The following MRTFA variants were observed in gnomAD, a reference collection of about 807,000 sequenced individuals.
MRTFA encodes myocardin related transcription factor A.
MRTFA carries 20 observed loss-of-function variants against 83.5 expected under a neutral mutation model. The ratio of observed to expected loss-of-function variants is 0.24; its 90% CI spans 0.17 to 0.35. MRTFA has a LOEUF of 0.35. MRTFA is among the 10% of genes least tolerant of loss of function. The probability of loss-of-function intolerance (pLI) is 1.00; values close to 1 mark genes in which losing one functional copy is unlikely to be tolerated. For synonymous variants in MRTFA, 659 were observed against 541.2 expected (o/e 1.22, Z -3.02); for missense variants, 1,200 against 1,224.7 (o/e 0.98, Z 0.30).
chr22:40,584,322 C>T (rs535163120), intron 2 of MRTFA, among the ~76,000 whole-genome samples: 1 of 152,356 alleles, frequency 6.6e-6, no homozygotes, highest in South Asian at 2.1e-4. Flanking sequence ...ACCCAGACAT[C>T]ATGACTCCCA....
intron 3 of MRTFA, among the ~76,000 whole-genome samples, chr22:40,493,317 A>T (rs1569295519): frequency 6.6e-6 from 1 of 152,236 alleles, no homozygotes. Context: ...CTTGAAAGCT[A>T]AGCGAGGCAT....
At chr22:40,553,690 G>A (rs897212760) in intron 2 of MRTFA, among the ~76,000 whole-genome samples, 1 of 152,226 alleles carries the variant, frequency 6.6e-6, no homozygotes, top group Non-Finnish European at 1.5e-5. Context: ...TACTAGGGCA[G>A]TATGGAAGGC....
intron 1 of MRTFA, among the ~76,000 whole-genome samples, chr22:40,631,458 T>C (rs1390288193): frequency 6.6e-6 from 1 of 152,152 alleles, no homozygotes. Context: ...TCACAGAGAA[T>C]ATAAAGTAGC....
At chr22:40,423,423 G>T in intron 9 of MRTFA, 113 bp downstream of exon 9, 1 of 1,004,028 alleles carries the variant, frequency 1.0e-6, no homozygotes, top group South Asian at 3.2e-5. Context: ...CAGACCAATG[G>T]GAGAAGACAC....
At chr22:40,576,087 G>T (rs995470692) in intron 2 of MRTFA, among the ~76,000 whole-genome samples, 1 of 147,236 alleles carries the variant, frequency 6.8e-6, no homozygotes, top group Non-Finnish European at 1.5e-5. Context: ...GGAGTACAGT[G>T]GCATGATCTC....
chr22:40,553,569 G>A (rs1211632710), intron 2 of MRTFA, among the ~76,000 whole-genome samples: 1 of 152,196 alleles, frequency 6.6e-6, no homozygotes, highest in Non-Finnish European at 1.5e-5. Context: ...GTGCACAGAA[G>A]TCTGGAATTG....
chr22:40,502,015 C>G (rs1602346718), intron 3 of MRTFA, among the ~76,000 whole-genome samples: 1 of 134,448 alleles, frequency 7.4e-6, no homozygotes, highest in South Asian at 2.5e-4. Flanking sequence ...GACGGGGCAG[C>G]TGGCCAGGCG....
intron 4 of MRTFA, among the ~76,000 whole-genome samples, chr22:40,448,686 A>G (rs1001996170): frequency 6.6e-6 from 1 of 152,216 alleles, no homozygotes; most frequent in Non-Finnish European, 1.5e-5. Context: ...AGGGGCACAA[A>G]TTCTCCTATT....
At chr22:40,440,889 GA>G (rs1345874442) in intron 4 of MRTFA, among the ~76,000 whole-genome samples, 1 of 151,990 alleles carries the variant, frequency 6.6e-6, no homozygotes, top group African/African-American at 2.4e-5. Context: ...GCCAATTGAA[GA>G]AAAAAAGGAC....
chr22:40,575,886 C>A (rs2055860018), intron 2 of MRTFA, among the ~76,000 whole-genome samples: 1 of 152,148 alleles, frequency 6.6e-6, no homozygotes, highest in African/African-American at 2.4e-5. Flanking sequence ...GAGTGACATA[C>A]TACATGAGAA....
At chr22:40,544,596 G>A (rs952260324) in intron 3 of MRTFA, among the ~76,000 whole-genome samples, 3 of 152,180 alleles carry the variant, frequency 2.0e-5, no homozygotes, top group African/African-American at 7.2e-5. Flanking sequence ...AGTGGGAGAA[G>A]ATGTCTGCAA....
chr22:40,500,192 G>A (rs2054435445), intron 3 of MRTFA, among the ~76,000 whole-genome samples: 1 of 149,840 alleles, frequency 6.7e-6, no homozygotes, highest in African/African-American at 2.4e-5. Context: ...GCCTCCCAAA[G>A]TGCTGGGATT....
At chr22:40,545,782 G>A (rs983368088) in intron 3 of MRTFA, among the ~76,000 whole-genome samples, 3 of 148,636 alleles carry the variant, frequency 2.0e-5, no homozygotes, top group African/African-American at 7.5e-5. Flanking sequence ...CACCCAGGCT[G>A]GAGTGTAGTG....
intron 2 of MRTFA, among the ~76,000 whole-genome samples, chr22:40,593,953 T>C (rs1251294413): frequency 6.6e-6 from 1 of 152,244 alleles, no homozygotes; most frequent in Non-Finnish European, 1.5e-5. Flanking sequence ...GAACTAGCAG[T>C]AGCCTTTACC....
At chr22:40,470,292 A>G (rs2053887271) in intron 3 of MRTFA, among the ~76,000 whole-genome samples, 1 of 116,354 alleles carries the variant, frequency 8.6e-6, no homozygotes, top group Admixed American at 9.4e-5. Flanking sequence ...AAGAAACATA[A>G]TAAAGAGCAA....
At chr22:40,542,552 C>A (rs751626474) in intron 3 of MRTFA, among the ~76,000 whole-genome samples, 21 of 152,222 alleles carry the variant, frequency 1.4e-4, no homozygotes, top group Non-Finnish European at 2.2e-4. Context: ...TCTTAATAAT[C>A]ACAGAATAAT....
intron 3 of MRTFA, among the ~76,000 whole-genome samples, chr22:40,534,020 C>G (rs543625804): frequency 6.6e-6 from 1 of 152,202 alleles, no homozygotes; most frequent in South Asian, 2.1e-4. Context: ...GTTCAAAATC[C>G]CACTATAAGA....
intron 3 of MRTFA, among the ~76,000 whole-genome samples, chr22:40,478,922 G>T (rs1367514724): frequency 6.6e-6 from 1 of 152,102 alleles, no homozygotes. Context: ...GAAGGAGCCA[G>T]AAAGAGTTGT....
chr22:40,413,293 T>C (rs1306058773), intron 14 of MRTFA, among the ~76,000 whole-genome samples: 1 of 151,518 alleles, frequency 6.6e-6, no homozygotes, highest in Non-Finnish European at 1.5e-5. Flanking sequence ...CCCATCTTTA[T>C]CAAAAAACAA....
Sources: allele counts gnomAD v4.1 joint callset (sites outside exome capture counted in the v4.1 genomes callset), GRCh38; gene constraint gnomAD v4.1.1; transcripts MANE v1.5; gene names NCBI Gene and HGNC (gene_info 2026-07-23, HGNC 2026-07-21).